Variants in KLHL3 observed in about 807,000 individuals in gnomAD.
KLHL3 encodes the protein kelch like family member 3.
A neutral mutation model predicts 70.5 loss-of-function variants in KLHL3; 19 were observed. That is an observed-to-expected ratio of 0.27 (90% CI 0.19 to 0.40). The LOEUF is 0.40. KLHL3 is among the 10% of genes least tolerant of loss of function. The pLI is 1.00. For missense variants in KLHL3, 512 were observed against 771.1 expected, an observed-to-expected ratio of 0.66 and a Z score of 3.98; for synonymous variants, 258 against 290.3, an observed-to-expected ratio of 0.89 and a Z score of 1.13.
intron 13 of KLHL3, among the ~76,000 whole-genome samples, chr5:137,627,851 A>G (rs1750517263): frequency 6.6e-6 from 1 of 152,222 alleles, no homozygotes. Flanking sequence ...TGTCCCTGCA[A>G]GGAAGGAGAC....
chr5:137,704,650 T>C (rs567043661), intron 3 of KLHL3, among the ~76,000 whole-genome samples: 1 of 152,308 alleles, frequency 6.6e-6, no homozygotes, highest in African/African-American at 2.4e-5. Context: ...ACCATCTTGG[T>C]CAAACCAGTT....
chr5:137,692,417 G>T lies in KLHL3; in HGVS notation c.394C>A (p.Leu132Ile), dbSNP rs1253565468. The change falls in exon 5 of 15, where the codon CTC (leucine) becomes ATC (isoleucine). Residue 132 changes from leucine to isoleucine, a missense_variant. Transcript: ENST00000309755. ...CAGCAGTTCTGCCGAACATCCATGAGCTGCAGCAAGCTGGCTGCCGGGAGC... is the reference window on the plus strand; with the variant it reads ...CAGCAGTTCTGCCGAACATCCATGATCTGCAGCAAGCTGGCTGCCGGGAGC... ...VLLPAASLLQ[L>I]MDVRQNCCDF... is the part of the protein sequence containing the mutation. 2 of 1,614,042 alleles carry T rather than the reference G, an allele frequency of 1.2e-6. No individual in the cohort carries two copies. Among genetic ancestry groups the T allele is most frequent in the Admixed American group, 1.7e-5 (1 of 60,026 alleles).
At chr5:137,677,761 G>A (rs1031482664) in intron 5 of KLHL3, 107 bp from the exon 6 acceptor site, 1 of 598,444 alleles carries the variant, frequency 1.7e-6, no homozygotes, top group African/African-American at 1.9e-5. Flanking sequence ...AGCAGGCCAG[G>A]GGGACCATGG....
chr5:137,673,050 G>T (rs1751800209), intron 6 of KLHL3: 1 of 152,188 alleles, frequency 6.6e-6, no homozygotes, highest in Non-Finnish European at 1.5e-5. Context: ...TACGGTCTAA[G>T]AAGAATGTGT....
intron 2 of KLHL3, among the ~76,000 whole-genome samples, chr5:137,717,146 C>T (rs1050665142): frequency 2.3e-4 from 35 of 152,300 alleles, no homozygotes; most frequent in African/African-American, 8.2e-4. Flanking sequence ...TGGTGAGACC[C>T]CTATGGCCAA....
chr5:137,721,807 C>T (rs1012270001), intron 1 of KLHL3, among the ~76,000 whole-genome samples: 4 of 152,190 alleles, frequency 2.6e-5, no homozygotes, highest in African/African-American at 9.6e-5. Context: ...AAGAGAAAGA[C>T]AAAATACTCA....
At chr5:137,661,711 G>C in intron 7 of KLHL3, 2 of 483,624 alleles carry the variant, frequency 4.1e-6, no homozygotes, top group Non-Finnish European at 7.3e-6. Flanking sequence ...CAGCAGAGCA[G>C]AGACTGAAAC....
chr5:137,735,617 A>T lies in KLHL3; in HGVS notation c.14+16T>A, dbSNP rs776717894. Reference sequence around the variant, plus strand: ...TACATACACACACAACACAGCACACACTTATACATACATACCTTTCACCCT... The same window carrying T: ...TACATACACACACAACACAGCACACTCTTATACATACATACCTTTCACCCT... On this transcript the variant is annotated intron_variant, in intron 1 of 14. Transcript: ENST00000309755. The T allele has an allele frequency of 1.9e-5, 31 of 1,596,152 alleles. No homozygotes were observed. Among genetic ancestry groups the T allele is most frequent in the Non-Finnish European group, 2.6e-5 (30 of 1,163,618 alleles).
intron 2 of KLHL3, among the ~76,000 whole-genome samples, chr5:137,719,429 T>C (rs910134859): frequency 3.9e-5 from 6 of 152,256 alleles, no homozygotes; most frequent in Middle Eastern, 3.4e-3. Context: ...AAAGATGAAA[T>C]AAACAATTAC....
At position 137,651,285 on chromosome 5, in the gene KLHL3, G is replaced by A. The variant is rs189496999; in HGVS notation, c.903+6846C>T. ...CTCTAGAAGAGAGCCCTAAATGCCTGCCTGAGGCATCAGCCTGGGCTACTC... is the reference window on the plus strand; with the variant it reads ...CTCTAGAAGAGAGCCCTAAATGCCTACCTGAGGCATCAGCCTGGGCTACTC... On this transcript the variant is annotated intron_variant, in intron 8 of 14. Transcript: ENST00000309755. Among the ~76,000 whole-genome samples the A allele has an allele frequency of 9.2e-5, 14 of 152,338 alleles. No homozygotes were observed. In the East Asian group the frequency reaches 2.7e-3, roughly 29 times the overall value.
chr5:137,672,910 C>T (rs1339294044), intron 6 of KLHL3: 1 of 152,286 alleles, frequency 6.6e-6, no homozygotes, highest in Non-Finnish European at 1.5e-5. Context: ...TTAGCCCTAA[C>T]CCCTCAACAC....
intron 8 of KLHL3, among the ~76,000 whole-genome samples, chr5:137,643,856 G>A (rs1046606040): frequency 2.0e-5 from 3 of 151,986 alleles, no homozygotes; most frequent in African/African-American, 7.3e-5. Flanking sequence ...CTGTAACACA[G>A]TATCCATTGA....
intron 8 of KLHL3, among the ~76,000 whole-genome samples, chr5:137,653,326 A>G (rs1340307008): frequency 6.6e-6 from 1 of 152,224 alleles, no homozygotes; most frequent in East Asian, 1.9e-4. Context: ...TATAAGGCAC[A>G]GGTTGGGAGA....
chr5:137,703,156 T>C (rs897596704), intron 3 of KLHL3, among the ~76,000 whole-genome samples: 5 of 152,056 alleles, frequency 3.3e-5, no homozygotes, highest in African/African-American at 1.2e-4. Context: ...CCCTACATAG[T>C]TATATGTCCT....
intron 11 of KLHL3, among the ~76,000 whole-genome samples, chr5:137,636,437 T>C (rs1750767997): frequency 6.6e-6 from 1 of 152,252 alleles, no homozygotes; most frequent in Admixed American, 6.5e-5. Flanking sequence ...GTCCTGCAAA[T>C]GACAACATTT....
intron 8 of KLHL3, among the ~76,000 whole-genome samples, chr5:137,650,777 G>A (rs923399817): frequency 4.6e-5 from 7 of 150,560 alleles, no homozygotes; most frequent in Middle Eastern, 6.9e-3. Flanking sequence ...AGCCAAGATC[G>A]TGCCATTGCA....
Position 137,618,877 on chromosome 5 carries a change from C to G in KLHL3, c.*3221G>C, listed in dbSNP as rs1440357392. 7.2e-6 allele frequency: 1 copy of G among 138,430 alleles called. No homozygotes were observed. The highest frequency in any genetic ancestry group is 1.5e-5 in the Non-Finnish European group (1 of 65,094). 8.6% of individuals were successfully genotyped at this position (138,430 alleles called of 1,614,324 possible). On this transcript the variant is annotated 3_prime_UTR_variant, in exon 15 of 15. Coordinates refer to ENST00000309755, the MANE Select transcript of KLHL3 (RefSeq NM_017415.3). ...TGCGTTTTAAAATTCAGCAGACTCC[C>G]TTGAATATGGTATTTTTAAAAAAAA... is the stretch of plus-strand genomic sequence containing the variant.
At chr5:137,646,908 A>G (rs1751062525) in intron 8 of KLHL3, among the ~76,000 whole-genome samples, 1 of 152,204 alleles carries the variant, frequency 6.6e-6, no homozygotes, top group African/African-American at 2.4e-5. Flanking sequence ...TAGACTGAAC[A>G]TAATTTAATC....
At chr5:137,704,897 A>C (rs1417253837) in intron 3 of KLHL3, among the ~76,000 whole-genome samples, 2 of 152,208 alleles carry the variant, frequency 1.3e-5, no homozygotes, top group East Asian at 1.9e-4. Context: ...CAGGAAGAAG[A>C]AGCCCTATGT....
Sources: allele counts gnomAD v4.1 joint callset (sites outside exome capture counted in the v4.1 genomes callset), GRCh38; gene constraint gnomAD v4.1.1; transcripts MANE v1.5; gene names NCBI Gene and HGNC (gene_info 2026-07-23, HGNC 2026-07-21).